NBAS: variants seen among roughly 807,000 people sequenced by gnomAD.
The protein encoded by NBAS is NAG/BC035112 fusion.
In NBAS, 219 loss-of-function variants were observed where a neutral mutation model predicts 302.5. That is an observed-to-expected ratio of 0.72 (90% CI 0.65 to 0.81). The LOEUF (loss-of-function observed/expected upper bound fraction) is 0.81, where lower values mean the gene tolerates loss of function less well. Among genes scored for constraint, NBAS ranks in the 30% least tolerant of loss-of-function variants. NBAS has a pLI of 0.00. For missense variants in NBAS, 2,932 were observed against 2,841.6 expected (o/e 1.03, Z -0.72); for synonymous variants, 1,118 against 1,021.6 (o/e 1.09, Z -1.80).
intron 48 of NBAS, among the ~76,000 whole-genome samples, chr2:15,210,690 T>C (rs1666364822): frequency 6.6e-6 from 1 of 152,210 alleles, no homozygotes; most frequent in Non-Finnish European, 1.5e-5. Context: ...ATTGCAACAC[T>C]GTTCACAACA....
chr2:15,412,785 G>T (rs1435432880), intron 25 of NBAS, among the ~76,000 whole-genome samples: 1 of 152,020 alleles, frequency 6.6e-6, no homozygotes, highest in African/African-American at 2.4e-5. Flanking sequence ...ATGAAGGGGG[G>T]GCTCTTACAC....
intron 23 of NBAS, among the ~76,000 whole-genome samples, chr2:15,423,980 G>C (rs530049843): frequency 1.3e-5 from 2 of 152,326 alleles, no homozygotes; most frequent in African/African-American, 4.8e-5. Flanking sequence ...CAATAAAACA[G>C]TGGCTTAACC....
the NBAS span, among the ~76,000 whole-genome samples, chr2:15,135,866 C>CT: frequency 1.1e-5 from 1 of 93,662 alleles, no homozygotes; most frequent in Non-Finnish European, 1.8e-5. Context: ...AGCTGATGAG[C>CT]TAAAAAAAAA....
chr2:15,360,623 T>G (rs574966109), intron 32 of NBAS, among the ~76,000 whole-genome samples: 1 of 150,664 alleles, frequency 6.6e-6, no homozygotes, highest in Non-Finnish European at 1.5e-5. Flanking sequence ...GTGTTGGGAT[T>G]AGAAGTCTGA....
chr2:14,918,721 G>T, the NBAS span, among the ~76,000 whole-genome samples: 3 of 152,144 alleles, frequency 2.0e-5, no homozygotes, highest in African/African-American at 4.8e-5. Flanking sequence ...AGCATGACAA[G>T]ATTGGTGTTT....
intron 35 of NBAS, among the ~76,000 whole-genome samples, chr2:15,335,627 T>C (rs1048453546): frequency 2.6e-5 from 4 of 152,216 alleles, no homozygotes; most frequent in African/African-American, 9.6e-5. Flanking sequence ...TTGAACACGT[T>C]CTTTTGTCAA....
At chr2:15,005,863 A>G in the NBAS span, among the ~76,000 whole-genome samples, 2 of 152,238 alleles carry the variant, frequency 1.3e-5, no homozygotes, top group African/African-American at 2.4e-5. Context: ...AACTTACTAT[A>G]CTTCTGTAGA....
chr2:15,275,778 A>G lies in NBAS; in HGVS notation c.5430T>C (p.Pro1810=), dbSNP rs375283673. 9.9e-6 allele frequency: 16 copies of G among 1,613,992 alleles called. No individual in the cohort carries two copies. Among genetic ancestry groups the G allele is most frequent in the South Asian group, 8.8e-5 (8 of 91,086 alleles). Residue 1810 remains proline, a synonymous_variant, in exon 44 of 52, where the codon CCT becomes CCC. Coordinates refer to ENST00000281513, the MANE Select transcript of NBAS (RefSeq NM_015909.4). ...AAAGAACTGGCTCCAATGCTTCAAGAGGACTCATGTTTTCATCTGTCAGCT... is the reference window on the plus strand; with the variant it reads ...AAAGAACTGGCTCCAATGCTTCAAGGGGACTCATGTTTTCATCTGTCAGCT... The part of the protein sequence containing the change: ...YKKLTDENMS[P]LEALEPVLSS...
chr2:15,364,484 T>C (rs1026969460), intron 32 of NBAS, among the ~76,000 whole-genome samples: 6 of 152,048 alleles, frequency 3.9e-5, no homozygotes, highest in East Asian at 1.9e-4. Flanking sequence ...TGAGCCAAGA[T>C]GGCGCCATTG....
At chr2:15,309,089 A>G in intron 39 of NBAS, 82 bp downstream of exon 39, 7 of 1,060,686 alleles carry the variant, frequency 6.6e-6, no homozygotes, top group Non-Finnish European at 9.8e-6. Context: ...GGCATGCAAT[A>G]AACAATTTTA....
intron 36 of NBAS, 40 bp downstream of exon 36, chr2:15,330,558 A>G (rs1288491998): frequency 6.2e-7 from 1 of 1,611,044 alleles, no homozygotes; most frequent in Non-Finnish European, 8.5e-7. Context: ...ATTTATATAA[A>G]CCATGCAGTT....
chr2:15,145,261 C>A, the NBAS span, among the ~76,000 whole-genome samples: 1 of 152,058 alleles, frequency 6.6e-6, no homozygotes, highest in Admixed American at 6.5e-5. Context: ...TTTGCGGTTA[C>A]TAGATTTTGA....
the NBAS span, among the ~76,000 whole-genome samples, chr2:15,082,228 C>G: frequency 6.6e-6 from 1 of 152,136 alleles, no homozygotes; most frequent in East Asian, 1.9e-4. Flanking sequence ...TACACAGCTC[C>G]TTACTTATGC....
chr2:14,945,482 C>A, the NBAS span, among the ~76,000 whole-genome samples: 1 of 152,156 alleles, frequency 6.6e-6, no homozygotes, highest in African/African-American at 2.4e-5. Flanking sequence ...AATATATGAG[C>A]TCTCTGATCA....
chr2:15,027,733 A>G, the NBAS span, among the ~76,000 whole-genome samples: 1 of 152,184 alleles, frequency 6.6e-6, no homozygotes, highest in Non-Finnish European at 1.5e-5. Context: ...TTTTCCATTT[A>G]GGATAACGTT....
chr2:15,181,745 T>G (rs1664835054), intron 50 of NBAS, among the ~76,000 whole-genome samples: 1 of 152,190 alleles, frequency 6.6e-6, no homozygotes, highest in South Asian at 2.1e-4. Flanking sequence ...CTGTTCCCAT[T>G]GTCTGACAGT....
At chr2:15,534,783 G>A (rs1042692062) in intron 8 of NBAS, 142 bp from the exon 9 acceptor site, 108 of 696,902 alleles carry the variant, frequency 1.5e-4, no homozygotes, top group Non-Finnish European at 2.2e-4. Context: ...ACTCGAATAC[G>A]TCACAATGAG....
intron 11 of NBAS, among the ~76,000 whole-genome samples, chr2:15,499,593 C>T (rs563869842): frequency 1.3e-5 from 2 of 152,080 alleles, no homozygotes; most frequent in East Asian, 3.9e-4. Context: ...AAGGGAACAA[C>T]ACATACTGAG....
chr2:15,168,544 G>C (rs1247402898), intron 51 of NBAS, among the ~76,000 whole-genome samples: 1 of 152,200 alleles, frequency 6.6e-6, no homozygotes, highest in Non-Finnish European at 1.5e-5. Context: ...CAATACTTGG[G>C]AGTATGACCA....
Sources: allele counts gnomAD v4.1 joint callset (sites outside exome capture counted in the v4.1 genomes callset), GRCh38; gene constraint gnomAD v4.1.1; transcripts MANE v1.5; gene names NCBI Gene and HGNC (gene_info 2026-07-23, HGNC 2026-07-21).